Variants in NOP56 observed in about 807,000 individuals in gnomAD.
NOP56 encodes the protein NOP56 ribonucleoprotein.
Under a neutral mutation model 58.3 loss-of-function variants are expected in NOP56, and 31 were observed. The observed-to-expected ratio is 0.53, with a 90% confidence interval of 0.40 to 0.72. The LOEUF is 0.72. Ranked by LOEUF, NOP56 falls within the 30% of genes least tolerant of loss-of-function variation. The pLI, the probability that NOP56 is intolerant of heterozygous loss-of-function variation, is 0.00. For missense variants in NOP56, 669 were observed against 739.9 expected (o/e 0.90, Z 1.11); for synonymous variants, 313 against 282.8 (o/e 1.11, Z -1.07).
rs6753 is a variant in NOP56, at chr20:2,657,933, T to C, written c.1424T>C (p.Met475Thr). The stretch of plus-strand genomic sequence containing the variant: ...TTCCCCTGTCCTTCCCTTTAGGAGA[T>C]GAGTGAAAAACCCAAAAAGAAGAAA... ...SSSTPEECEE[M>T]SEKPKKKKKQ... Residue 475 changes from methionine to threonine, a missense_variant, in exon 12 of 12, where the codon ATG becomes ACG. Met to Thr is a moderately conservative substitution (Grantham distance 81). This residue lies in a region of NOP56 where 209 missense variants were observed against 196.2 expected (regional missense o/e 1.07). Transcript: ENST00000329276. 445,162 of 1,580,794 alleles carry C rather than the reference T, an allele frequency of 0.28. 67,268 individuals carry two copies. Among genetic ancestry groups the C allele is most frequent in the African/African-American group, 0.57 (41,363 of 72,970 alleles).
chr20:2,658,003 C>T lies in NOP56; in HGVS notation c.1494C>T (p.Asp498=), dbSNP rs760250534. The T allele has an allele frequency of 1.9e-6, 3 of 1,611,980 alleles. No individual in the cohort carries two copies. Among genetic ancestry groups the T allele is most frequent in the Admixed American group, 1.7e-5 (1 of 59,940 alleles). ...QEVPQENGME[D]PSISFSKPKK... ...TTCCTCAGGAGAATGGAATGGAAGA[C>T]CCATCTATCTCTTTCTCCAAACCCA... is the stretch of plus-strand genomic sequence containing the variant. The change falls in exon 12 of 12, where the codon GAC becomes GAT. Residue 498 remains aspartate (D), a synonymous_variant. Coordinates refer to ENST00000329276, the MANE Select transcript of NOP56 (RefSeq NM_006392.4).
chr20:2,653,522 C>T (rs1017591642), intron 3 of NOP56, 129 bp downstream of exon 3: 7 of 691,034 alleles, frequency 1.0e-5, no homozygotes, highest in African/African-American at 1.8e-5. Context: ...GTATTTGAGC[C>T]ATACAATGTG....
At chr20:2,654,170 T>C (rs778424378) in intron 3 of NOP56, 1 of 724,032 alleles carries the variant, frequency 1.4e-6, no homozygotes. Context: ...CCACTTGTGC[T>C]ATCAGACCTG....
At position 2,655,463 on chromosome 20, in the gene NOP56, G is replaced by T. The variant is rs1227660203; in HGVS notation, c.708G>T (p.Met236Ile). ...DKLEKLEELT[M>I]DGAKAKAILD... ...TGGAGAAGCTGGAGGAGCTGACAATGGATGGGGCCAAGGCTAAGGCTATTC... is the reference window on the plus strand; with the variant it reads ...TGGAGAAGCTGGAGGAGCTGACAATTGATGGGGCCAAGGCTAAGGCTATTC... Residue 236 changes from methionine to isoleucine, a missense_variant, in exon 6 of 12, where the codon ATG becomes ATT. Physicochemically the swap from Met to Ile is conservative, Grantham distance 10 (BLOSUM62 1). Transcript: ENST00000329276. 8 of 1,614,036 alleles carry T rather than the reference G, an allele frequency of 5.0e-6. No individual in the cohort carries two copies. The highest frequency in any genetic ancestry group is 6.8e-6 in the Non-Finnish European group (8 of 1,180,028).
In NOP56 at chr20:2,658,387, C is replaced by G; in HGVS notation, c.*93C>G. 1 of 1,611,260 alleles carries G rather than the reference C, an allele frequency of 6.2e-7. No individual in the cohort carries two copies. Among genetic ancestry groups the G allele is most frequent in the Admixed American group, 1.7e-5 (1 of 59,614 alleles). On this transcript the variant is annotated 3_prime_UTR_variant, in exon 12 of 12. Transcript: ENST00000329276. ...CCGTGTTCCCCAATAAAAACAAATTCACAAGAGTTGGTTCATGTTCTTTAT... is the reference window on the plus strand; with the variant it reads ...CCGTGTTCCCCAATAAAAACAAATTGACAAGAGTTGGTTCATGTTCTTTAT...
chr20:2,654,190 G>T, intron 3 of NOP56: 1 of 742,270 alleles, frequency 1.3e-6, no homozygotes, highest in Non-Finnish European at 2.5e-6. Flanking sequence ...GAATGCAGTT[G>T]TTCCCATGGC....
Position 2,654,432 on chromosome 20 carries a change from T to C in NOP56, c.227T>C (p.Leu76Pro). The change falls in exon 4 of 12, where the codon CTC becomes CCC. Residue 76 changes from leucine (L) to proline (P), a missense_variant. Coordinates refer to ENST00000329276, the MANE Select transcript of NOP56 (RefSeq NM_006392.4). Reference sequence around the variant, plus strand: ...CCCTGAGGGGTTGTTCATGAGGACCTCCGCCTGCTCTTGGAGACCCACCTG... The same window carrying C: ...CCCTGAGGGGTTGTTCATGAGGACCCCCGCCTGCTCTTGGAGACCCACCTG... ...AVSEGVVHEDLRLLLETHLPS... is the reference protein window; with the variant it reads ...AVSEGVVHEDPRLLLETHLPS... The C allele has an allele frequency of 6.2e-7, 1 of 1,614,132 alleles. No individual in the cohort carries two copies. The highest frequency in any genetic ancestry group is 8.5e-7 in the Non-Finnish European group (1 of 1,180,028).
rs1398702605 is a variant in NOP56 at position 2,655,384 on chromosome 20, A to G, written c.629A>G (p.Tyr210Cys). 1 of 1,614,134 alleles carries G rather than the reference A, an allele frequency of 6.2e-7. No homozygotes were observed. The highest frequency in any genetic ancestry group is 1.3e-5 in the African/African-American group (1 of 75,002). The change falls in exon 6 of 12, where the codon TAC becomes TGC. Residue 210 changes from tyrosine to cysteine, a missense_variant. By Grantham distance (194) the Tyr-to-Cys change is radical. Coordinates refer to ENST00000329276, the MANE Select transcript of NOP56 (RefSeq NM_006392.4). ...AAGATCATCAACGACAATGCCACATACTGCCGTCTTGCCCAGTTTATTGGA... is the reference window on the plus strand; with the variant it reads ...AAGATCATCAACGACAATGCCACATGCTGCCGTCTTGCCCAGTTTATTGGA... Reference protein sequence around the residue: ...LVKIINDNATYCRLAQFIGNR... With the variant: ...LVKIINDNATCCRLAQFIGNR...
chr20:2,657,322 T>C (rs2086837937), intron 11 of NOP56, 104 bp downstream of exon 11: 1 of 1,528,140 alleles, frequency 6.5e-7, no homozygotes, highest in Non-Finnish European at 9.1e-7. Flanking sequence ...TCCAGGCTTT[T>C]GGACTGAAAC....
At chr20:2,656,956 C>T (rs372534407) in intron 10 of NOP56, 61 bp downstream of exon 10, 8 of 1,613,644 alleles carry the variant, frequency 5.0e-6, no homozygotes, top group Non-Finnish European at 5.9e-6. Flanking sequence ...GATGAACTGT[C>T]TGAGCCTGAC....
chr20:2,655,925 T>A lies in NOP56; in HGVS notation c.910-9T>A. 1 of 1,614,040 alleles carries A rather than the reference T, an allele frequency of 6.2e-7. No homozygotes were observed. Among genetic ancestry groups the A allele is most frequent in the Non-Finnish European group, 8.5e-7 (1 of 1,179,906 alleles). On this transcript the variant is annotated splice_polypyrimidine_tract_variant and intron_variant, in intron 7 of 11. Coordinates refer to ENST00000329276, the MANE Select transcript of NOP56 (RefSeq NM_006392.4). ...ATTTCTCTGACTGCTTCCTTGACTC[T>A]CTCTCCAGGTAGGTGCACGTCTCAT...
At position 2,655,390 on chromosome 20, in the gene NOP56, G is replaced by A. The variant is rs145743946; in HGVS notation, c.635G>A (p.Arg212His). ...KIINDNATYCRLAQFIGNRRE... is the reference protein window; with the variant it reads ...KIINDNATYCHLAQFIGNRRE... ...ATCAACGACAATGCCACATACTGCC[G>A]TCTTGCCCAGTTTATTGGAAACCGA... The change falls in exon 6 of 12, where the codon CGT (arginine) becomes CAT (histidine). Residue 212 changes from arginine (R) to histidine (H), a missense_variant. Arg to His is a conservative substitution (Grantham distance 29). Coordinates refer to ENST00000329276, the MANE Select transcript of NOP56 (RefSeq NM_006392.4). 9.8e-4 allele frequency: 1,579 copies of A among 1,614,122 alleles called. 1 individual carries two copies. Among genetic ancestry groups the A allele is most frequent in the Non-Finnish European group, 1.3e-3 (1,516 of 1,180,028 alleles).
At chr20:2,657,708 G>GTT (rs35964304) in intron 11 of NOP56, 2,336 of 482,402 alleles carry the variant, frequency 4.8e-3, no homozygotes, top group East Asian at 0.016. Flanking sequence ...TGTTTTTTAG[G>GTT]TTTTTTTTTT....
rs779167934 is a variant in NOP56, at chr20:2,655,382, A to G, written c.627A>G (p.Thr209=). 4.4e-5 allele frequency: 71 copies of G among 1,614,016 alleles called. No homozygotes were observed. Among genetic ancestry groups the G allele is most frequent in the Non-Finnish European group, 6.0e-5 (71 of 1,180,046 alleles). ...ELVKIINDNA[T]YCRLAQFIGN... ...TGAAGATCATCAACGACAATGCCAC[A>G]TACTGCCGTCTTGCCCAGTTTATTG... Residue 209 remains threonine, a synonymous_variant, in exon 6 of 12, where the codon ACA becomes ACG. Coordinates refer to ENST00000329276, the MANE Select transcript of NOP56 (RefSeq NM_006392.4).
rs989925302 is a variant in NOP56, at chr20:2,653,648, C to CA, written c.208+258dup. 9.1e-6 allele frequency: 4 copies of CA among 441,832 alleles called. No homozygotes were observed. The Admixed American group carries it at 1.6e-4, about 17-fold the overall frequency. The allele number at this position is 441,832 out of a possible 1,614,324, so 27.4% of individuals were successfully genotyped here. On this transcript the variant is annotated intron_variant, in intron 3 of 11. Coordinates refer to ENST00000329276, the MANE Select transcript of NOP56 (RefSeq NM_006392.4). ...CGTTTCCTTGTGGGCACTGTAGTGA[C>CA]AAACTATTTTTTATTTTTATTTTTT... is the stretch of plus-strand genomic sequence containing the variant.
Position 2,655,459 on chromosome 20 carries a change from C to T in NOP56, c.704C>T (p.Thr235Ile), listed in dbSNP as rs1316855378. 12 of 1,614,024 alleles carry T rather than the reference C, an allele frequency of 7.4e-6. No homozygotes were observed. The highest frequency in any genetic ancestry group is 1.0e-5 in the Non-Finnish European group (12 of 1,180,026). ...AAGCTGGAGAAGCTGGAGGAGCTGA[C>T]AATGGATGGGGCCAAGGCTAAGGCT... Reference protein sequence around the residue: ...EDKLEKLEELTMDGAKAKAIL... With the variant: ...EDKLEKLEELIMDGAKAKAIL... The change falls in exon 6 of 12, where the codon ACA becomes ATA. Residue 235 changes from threonine to isoleucine, a missense_variant. By Grantham distance (89) the Thr-to-Ile change is moderately conservative (BLOSUM62 -1). This residue lies in a region of NOP56 where 339 missense variants were observed against 430.5 expected (regional missense o/e 0.79). Transcript: ENST00000329276.
At chr20:2,653,542 ATAAT>A in intron 3 of NOP56, 149 bp downstream of exon 3, 2 of 646,972 alleles carry the variant, frequency 3.1e-6, no homozygotes, top group African/African-American at 3.6e-5. Context: ...GTAATTTGAA[ATAAT>A]TGTCTTCACA....
Position 2,656,892 on chromosome 20 carries a change from T to C in NOP56, c.1278T>C (p.Val426=). The C allele has an allele frequency of 6.2e-7, 1 of 1,614,142 alleles. No individual in the cohort carries two copies. Among genetic ancestry groups the C allele is most frequent in the Non-Finnish European group, 8.5e-7 (1 of 1,180,022 alleles). The change falls in exon 10 of 12, where the codon GTT becomes GTC. Residue 426 remains valine (V), a synonymous_variant. Coordinates refer to ENST00000329276, the MANE Select transcript of NOP56 (RefSeq NM_006392.4). ...TGGATGTCATGAAGGAAGCAATGGTTCAGGTCAGTTGGGCTTTGCTGGGTG... is the reference window on the plus strand; with the variant it reads ...TGGATGTCATGAAGGAAGCAATGGTCCAGGTCAGTTGGGCTTTGCTGGGTG... ...KNLDVMKEAM[V]QAEEAAAEIT...
chr20:2,654,146 CTAT>C lies in NOP56; in HGVS notation c.209-263_209-261del, dbSNP rs1180604455. On this transcript the variant is annotated intron_variant, in intron 3 of 11. Transcript: ENST00000329276. Reference sequence around the variant, plus strand: ...GAAATACTCGAGGGTGTGTTACAAGCTATTATTTATTGCCCACTTGTGCTATCA... The same window carrying C: ...GAAATACTCGAGGGTGTGTTACAAGCTATTTATTGCCCACTTGTGCTATCA... 3 of 681,430 alleles carry C rather than the reference CTAT, an allele frequency of 4.4e-6. No individual in the cohort carries two copies. In the African/African-American group the frequency reaches 5.2e-5, roughly 12 times the overall value. The allele number at this position is 681,430 out of a possible 1,614,324, so 42.2% of individuals were successfully genotyped here.
Sources: gnomAD v4.1 joint callset for allele counts on GRCh38, gnomAD v4.1.1 for gene constraint, gnomAD v4.1.1 regional missense constraint, MANE v1.5 for transcripts, NCBI Gene and HGNC (gene_info 2026-07-23, HGNC 2026-07-21) for gene names.